Variants in RNF103 observed in about 807,000 individuals in gnomAD.
RNF103 encodes the protein E3 ubiquitin-protein ligase RNF103.
In RNF103, 23 loss-of-function variants were observed where a neutral mutation model predicts 66.2. The ratio of observed to expected loss-of-function variants is 0.35; its 90% CI spans 0.25 to 0.49. The LOEUF (loss-of-function observed/expected upper bound fraction) is 0.49. Ranked by LOEUF, RNF103 falls within the 20% of genes least tolerant of loss-of-function variation. RNF103 has a pLI of 0.98. For missense variants in RNF103, 730 were observed against 814.7 expected, an observed-to-expected ratio of 0.90 and a Z score of 1.27; for synonymous variants, 297 against 289.9, an observed-to-expected ratio of 1.02 and a Z score of -0.25.
Position 86,605,382 on chromosome 2 carries a change from G to A in RNF103, c.519C>T (p.Leu173=), listed in dbSNP as rs1364704592. The change falls in exon 4 of 4, where the codon CTC becomes CTT. Residue 173 remains leucine, a synonymous_variant. Transcript: ENST00000237455. ...CRRRGWVRST[L]IMSVPQTSTS... is the part of the protein sequence containing the mutation. ...TACTTGTTTGTGGAACAGACATAATGAGTGTGGATCGGACCCAGCCTCTTC... is the reference window on the plus strand; with the variant it reads ...TACTTGTTTGTGGAACAGACATAATAAGTGTGGATCGGACCCAGCCTCTTC... The A allele has an allele frequency of 1.2e-6, 2 of 1,614,006 alleles. No individual in the cohort carries two copies. The highest frequency in any genetic ancestry group is 8.5e-7 in the Non-Finnish European group (1 of 1,179,922).
intron 3 of RNF103, among the ~76,000 whole-genome samples, chr2:86,606,148 C>T (rs1271528621): frequency 1.3e-5 from 2 of 152,094 alleles, no homozygotes; most frequent in African/African-American, 2.4e-5. Context: ...GAAACAAAAA[C>T]AGGAAGTATT....
chr2:86,605,504 C>T, intron 3 of RNF103, 86 bp from the exon 4 acceptor site: 2 of 1,372,288 alleles, frequency 1.5e-6, no homozygotes, highest in South Asian at 3.2e-5. Flanking sequence ...GCACCTCACC[C>T]CAAAGCCAAA....
In RNF103 at chr2:86,622,960, G is replaced by A. The variant is rs1679291042; in HGVS notation, c.-74C>T. 3 of 1,488,002 alleles carry A rather than the reference G, an allele frequency of 2.0e-6. No homozygotes were observed. Among genetic ancestry groups the A allele is most frequent in the Non-Finnish European group, 2.7e-6 (3 of 1,117,496 alleles). The allele number at this position is 1,488,002 out of a possible 1,614,324, so 92.2% of individuals were successfully genotyped here. On this transcript the variant is annotated 5_prime_UTR_variant, in exon 1 of 4. Transcript: ENST00000237455. ...AGAAGGGTCGAGGGCGGGGGCCGCG[G>A]CTCGGTGGCAGCTTGGGCGAGGGCC...
chr2:86,606,955 G>T (rs944352847), intron 3 of RNF103, among the ~76,000 whole-genome samples: 1 of 151,878 alleles, frequency 6.6e-6, no homozygotes, highest in African/African-American at 2.4e-5. Flanking sequence ...AGTTTTAAAA[G>T]AATTTTTTGT....
rs1318009528 is a variant in RNF103 at position 86,604,245 on chromosome 2, T to C, written c.1656A>G (p.Glu552=). The C allele has an allele frequency of 6.2e-7, 1 of 1,614,076 alleles. No homozygotes were observed. Among genetic ancestry groups the C allele is most frequent in the African/African-American group, 1.3e-5 (1 of 74,942 alleles). The part of the protein sequence containing the change: ...ENTDTLSSEK[E]VFEDKQSVLH... Reference sequence around the variant, plus strand: ...GTACGCTTTGCTTATCTTCAAATACTTCCTTCTCACTACTCAAAGTGTCTG... The same window carrying C: ...GTACGCTTTGCTTATCTTCAAATACCTCCTTCTCACTACTCAAAGTGTCTG... The change falls in exon 4 of 4, where the codon GAA becomes GAG. Residue 552 remains glutamate (E), a synonymous_variant. Transcript: ENST00000237455.
intron 2 of RNF103, chr2:86,614,342 C>T (rs1295239280): frequency 6.6e-6 from 1 of 152,178 alleles, no homozygotes; most frequent in Non-Finnish European, 1.5e-5. Context: ...TGGCTCATGC[C>T]TTTAATCCCA....
intron 2 of RNF103, chr2:86,617,892 C>A: frequency 9.6e-7 from 1 of 1,038,296 alleles, no homozygotes; most frequent in Non-Finnish European, 1.3e-6. Context: ...CAATCTCATT[C>A]TTCTCAGTTG....
chr2:86,622,581 G>C, intron 1 of RNF103, 80 bp downstream of exon 1: 1 of 1,420,786 alleles, frequency 7.0e-7, no homozygotes, highest in Non-Finnish European at 9.9e-7. Context: ...CCTCACTCTG[G>C]GGGAACAGCC....
chr2:86,617,569 G>A (rs1177049434), intron 2 of RNF103: 5 of 795,142 alleles, frequency 6.3e-6, no homozygotes, highest in East Asian at 1.3e-4. Context: ...TACTATCCAC[G>A]GTTTCAGGCA....
chr2:86,606,769 T>G (rs1175564912), intron 3 of RNF103, among the ~76,000 whole-genome samples: 1 of 151,954 alleles, frequency 6.6e-6, no homozygotes, highest in Non-Finnish European at 1.5e-5. Context: ...TATTTTTTAA[T>G]TTTTAGTTAT....
Position 86,603,589 on chromosome 2 carries a change from T to C in RNF103, c.*254A>G. On this transcript the variant is annotated 3_prime_UTR_variant, in exon 4 of 4. Transcript: ENST00000237455. ...TTGCTAGGATAAATTTCTATAATAC[T>C]TCTTTTGTGCTTACAAAAAAACATT... 2.1e-6 allele frequency: 1 copy of C among 481,180 alleles called. No individual in the cohort carries two copies. Among genetic ancestry groups the C allele is most frequent in the Non-Finnish European group, 3.6e-6 (1 of 277,612 alleles). 29.8% of individuals were successfully genotyped at this position (481,180 alleles called of 1,614,324 possible). A position where few individuals can be genotyped will look rare whatever the true frequency, so the allele number is the denominator to read the frequency against.
In RNF103 at chr2:86,622,901, CCT is replaced by C. The variant is rs1321609389; in HGVS notation, c.-17_-16del. On this transcript the variant is annotated 5_prime_UTR_variant, in exon 1 of 4. Coordinates refer to ENST00000237455, the MANE Select transcript of RNF103 (RefSeq NM_005667.4). ...TTCAGCCACATCTTCCCTGGAGTTT[CCT>C]CTCTTTCCAGAGAGCTCGGAATACG... 4 of 1,571,792 alleles carry C rather than the reference CCT, an allele frequency of 2.5e-6. No individual in the cohort carries two copies. The highest frequency in any genetic ancestry group is 3.8e-5 in the Admixed American group (2 of 53,058).
At chr2:86,622,182 A>T (rs1257080600) in intron 1 of RNF103, among the ~76,000 whole-genome samples, 2 of 152,198 alleles carry the variant, frequency 1.3e-5, no homozygotes, top group Non-Finnish European at 2.9e-5. Flanking sequence ...ATGATTTAAC[A>T]TTTAAATCCT....
chr2:86,614,789 T>C (rs1318400898), intron 2 of RNF103: 23 of 980,444 alleles, frequency 2.3e-5, no homozygotes, highest in Non-Finnish European at 2.7e-5. Context: ...CTTAGGAAGA[T>C]TAAGAAGTAT....
At chr2:86,606,426 A>T (rs1207333401) in intron 3 of RNF103, among the ~76,000 whole-genome samples, 2 of 152,150 alleles carry the variant, frequency 1.3e-5, no homozygotes, top group South Asian at 2.1e-4. Flanking sequence ...GCACTTTGGG[A>T]GGCCAAGGTG....
chr2:86,617,004 A>G, intron 2 of RNF103: 1 of 985,388 alleles, frequency 1.0e-6, no homozygotes, highest in Non-Finnish European at 1.2e-6. Context: ...TTAAATGAAT[A>G]GCTAATGAAA....
At chr2:86,618,772 GTCTT>G (rs915321547) in intron 2 of RNF103, 3 of 152,168 alleles carry the variant, frequency 2.0e-5, no homozygotes, top group Non-Finnish European at 4.4e-5. Flanking sequence ...CAAAACCAGT[GTCTT>G]TCTCAATCAG....
Position 86,620,407 on chromosome 2 carries a change from A to G in RNF103, c.289T>C (p.Ser97Pro). ...LKEEEASESV[S>P]STNFSGEMHF... ...ATTTCACCACTGAAATTGGTACTAG[A>G]AACCGATTCGGATGCTTCTTCTTCC... is the stretch of plus-strand genomic sequence containing the variant. The change falls in exon 2 of 4, where the codon TCT becomes CCT. Residue 97 changes from serine to proline, a missense_variant. Coordinates refer to ENST00000237455, the MANE Select transcript of RNF103 (RefSeq NM_005667.4). 1 of 1,606,024 alleles carries G rather than the reference A, an allele frequency of 6.2e-7. No individual in the cohort carries two copies. Among genetic ancestry groups the G allele is most frequent in the South Asian group, 1.1e-5 (1 of 90,346 alleles).
chr2:86,608,190 C>T (rs943300715), intron 3 of RNF103, among the ~76,000 whole-genome samples: 1 of 151,992 alleles, frequency 6.6e-6, no homozygotes, highest in African/African-American at 2.4e-5. Flanking sequence ...ATGTGGCATG[C>T]TATATTTAAG....
Sources: gnomAD v4.1 joint callset for allele counts (sites outside exome capture counted in the v4.1 genomes callset) on GRCh38, gnomAD v4.1.1 for gene constraint, MANE v1.5 for transcripts, NCBI Gene and HGNC (gene_info 2026-07-23, HGNC 2026-07-21) for gene names.